The following HOOK3 variants were observed in gnomAD, a reference collection of about 807,000 sequenced individuals.
HOOK3 encodes the protein hook microtubule tethering protein 3, also known as protein Hook homolog 3.
Under a neutral mutation model 116.3 loss-of-function variants are expected in HOOK3, and 24 were observed. The observed-to-expected ratio is 0.21, with a 90% CI of 0.15 to 0.29. The LOEUF is 0.29. HOOK3 is among the 10% of genes least tolerant of loss of function. HOOK3 has a pLI of 1.00. For missense variants in HOOK3, 632 were observed against 830.2 expected, an observed-to-expected ratio of 0.76 and a Z score of 2.93; for synonymous variants, 275 against 283.0, an observed-to-expected ratio of 0.97 and a Z score of 0.28.
rs1809957198 is a variant in HOOK3 at position 43,027,701 on chromosome 8, A to T, written c.*9203A>T. On this transcript the variant is annotated 3_prime_UTR_variant, in exon 22 of 22. Transcript: ENST00000307602. ...TAAGTCTCTAAGTATCTTAACTTCC[A>T]TTGTCTTCTTGTTAACCTAGACAAG... 1 of 206,228 alleles carries T rather than the reference A, an allele frequency of 4.8e-6. No individual in the cohort carries two copies. The allele number at this position is 206,228 out of a possible 1,614,324, so 12.8% of individuals were successfully genotyped here.
rs767913849 is a variant in HOOK3, at chr8:42,982,688, T to C, written c.1383T>C (p.Pro461=). 80 of 1,608,722 alleles carry C rather than the reference T, an allele frequency of 5.0e-5. No individual in the cohort carries two copies. The highest frequency in any genetic ancestry group is 6.0e-5 in the Non-Finnish European group (71 of 1,175,358). The change falls in exon 14 of 22, where the codon CCT becomes CCC. Residue 461 remains proline, a synonymous_variant. Transcript: ENST00000307602. The part of the protein sequence containing the change: ...SDSLAAEIVT[P]EIREKLIRLQ... ...GTCTAGCTGCAGAGATTGTTACACC[T>C]GAAATCAGGTAAGGAGATTGTGGTG...
At chr8:42,904,548 T>G in intron 1 of HOOK3, among the ~76,000 whole-genome samples, 1 of 152,070 alleles carries the variant, frequency 6.6e-6, no homozygotes, top group East Asian at 1.9e-4. Flanking sequence ...CCAGACCTCG[T>G]GATCCATCCG....
chr8:42,974,850 C>T (rs939759142), intron 13 of HOOK3, among the ~76,000 whole-genome samples: 5 of 152,168 alleles, frequency 3.3e-5, no homozygotes, highest in South Asian at 4.1e-4. Flanking sequence ...CTGAGAGGAC[C>T]GTGCCCCCTT....
At chr8:42,920,275 T>C (rs1453813881) in intron 2 of HOOK3, among the ~76,000 whole-genome samples, 1 of 152,202 alleles carries the variant, frequency 6.6e-6, no homozygotes, top group African/African-American at 2.4e-5. Context: ...TATTGTTTTA[T>C]TCGAGCCTGC....
At chr8:42,973,481 C>A (rs1385129036) in intron 12 of HOOK3, 82 bp downstream of exon 12, 6 of 797,026 alleles carry the variant, frequency 7.5e-6, no homozygotes, top group South Asian at 2.9e-5. Flanking sequence ...TGGCCACATT[C>A]ATTTAAGTTA....
intron 4 of HOOK3, among the ~76,000 whole-genome samples, chr8:42,933,586 T>G (rs1807910970): frequency 6.6e-6 from 1 of 152,264 alleles, no homozygotes. Flanking sequence ...TATCTTATTT[T>G]GTTTGCTGAA....
intron 2 of HOOK3, among the ~76,000 whole-genome samples, chr8:42,924,967 A>C (rs1300708445): frequency 1.3e-5 from 2 of 150,788 alleles, no homozygotes; most frequent in East Asian, 3.9e-4. Flanking sequence ...ACGGAGCGAG[A>C]CTCTGTCTCA....
chr8:43,018,147 CAATT>C (rs1346358168), intron 21 of HOOK3, among the ~76,000 whole-genome samples: 1 of 152,228 alleles, frequency 6.6e-6, no homozygotes, highest in East Asian at 1.9e-4. Context: ...TAAAATCAGA[CAATT>C]AAGCCTGAAT....
rs1409313970 is a variant in HOOK3 at position 42,897,205 on chromosome 8, G to A, written c.57+17G>A. 2 of 1,240,750 alleles carry A rather than the reference G, an allele frequency of 1.6e-6. No individual in the cohort carries two copies. Among genetic ancestry groups the A allele is most frequent in the Admixed American group, 8.4e-5 (2 of 23,948 alleles). The allele number at this position is 1,240,750 out of a possible 1,614,324, so 76.9% of individuals were successfully genotyped here. On this transcript the variant is annotated intron_variant, in intron 1 of 21. Coordinates refer to ENST00000307602, the MANE Select transcript of HOOK3 (RefSeq NM_032410.4). ...CTCACTTGGGTACGTGGGGGCCGCG[G>A]GCCGGCGGGAAGACCCCCTCCCCCC...
At chr8:42,940,556 T>C (rs192465913) in intron 4 of HOOK3, among the ~76,000 whole-genome samples, 12 of 152,308 alleles carry the variant, frequency 7.9e-5, no homozygotes, top group Admixed American at 5.9e-4. Flanking sequence ...TGCTTTTCTT[T>C]AGTAATGTTG....
At chr8:42,934,275 T>C (rs1467967043) in intron 4 of HOOK3, among the ~76,000 whole-genome samples, 11 of 152,194 alleles carry the variant, frequency 7.2e-5, no homozygotes. Context: ...ATCACATTTT[T>C]AATTTGCAAG....
chr8:42,930,269 A>G (rs537389162), intron 4 of HOOK3, 97 bp downstream of exon 4: 4 of 1,085,014 alleles, frequency 3.7e-6, no homozygotes, highest in African/African-American at 1.6e-5. Context: ...TTCAAAATTA[A>G]TAATCAGTTT....
intron 9 of HOOK3, among the ~76,000 whole-genome samples, chr8:42,966,078 TTTTG>T (rs1808626926): frequency 1.3e-5 from 2 of 152,240 alleles, no homozygotes; most frequent in Non-Finnish European, 2.9e-5. Context: ...TTCTCACTTT[TTTTG>T]TTTTAGAAAA....
chr8:42,921,667 A>T (rs1251586240), intron 2 of HOOK3, among the ~76,000 whole-genome samples: 1 of 152,202 alleles, frequency 6.6e-6, no homozygotes, highest in African/African-American at 2.4e-5. Flanking sequence ...ACCAGGAATG[A>T]AAAAGAGACT....
chr8:42,945,807 T>C (rs889176489), intron 5 of HOOK3, among the ~76,000 whole-genome samples: 2 of 152,222 alleles, frequency 1.3e-5, no homozygotes, highest in African/African-American at 4.8e-5. Flanking sequence ...TAACTTTTAA[T>C]TTACAGCTTT....
Position 42,975,607 on chromosome 8 carries a change from C to T in HOOK3, c.1321+1413C>T, listed in dbSNP as rs1808807167. 2.0e-5 allele frequency among the ~76,000 whole-genome samples: 3 copies of T among 152,178 alleles called. No homozygotes were observed. The South Asian group carries it at 6.2e-4, about 31-fold the overall frequency. Reference sequence around the variant, plus strand: ...TTATCAAGCCCATGAAAAAAGTGGACGTGACTTCTCCAGCTATCGAATTAG... The same window carrying T: ...TTATCAAGCCCATGAAAAAAGTGGATGTGACTTCTCCAGCTATCGAATTAG... On this transcript the variant is annotated intron_variant, in intron 13 of 21. Transcript: ENST00000307602.
intron 15 of HOOK3, among the ~76,000 whole-genome samples, chr8:42,992,505 C>T (rs940326554): frequency 2.5e-4 from 38 of 149,552 alleles, no homozygotes; most frequent in African/African-American, 8.9e-4. Context: ...ATCACAAGGT[C>T]AGGAGATTGA....
rs112310590 is a variant in HOOK3, at chr8:43,027,419, C to T, written c.*8921C>T. On this transcript the variant is annotated 3_prime_UTR_variant, in exon 22 of 22. Transcript: ENST00000307602. ...TTATGAGAACATTCTGTCATTTGTT[C>T]TGTTTGTAGATGAGAGACATGCTTT... The T allele has an allele frequency of 3.1e-6, 1 of 323,970 alleles. No individual in the cohort carries two copies. The highest frequency in any genetic ancestry group is 4.7e-5 in the Admixed American group (1 of 21,086). 20.1% of individuals were successfully genotyped at this position (323,970 alleles called of 1,614,324 possible). A position where few individuals can be genotyped will look rare whatever the true frequency, so the allele number is the denominator to read the frequency against.
chr8:42,941,838 G>A (rs1373005740), intron 4 of HOOK3, among the ~76,000 whole-genome samples: 1 of 152,100 alleles, frequency 6.6e-6, no homozygotes, highest in Non-Finnish European at 1.5e-5. Context: ...ACTCCTACCT[G>A]ACGACTTTGC....
Sources: gnomAD v4.1 joint callset for allele counts (sites outside exome capture counted in the v4.1 genomes callset) on GRCh38, gnomAD v4.1.1 for gene constraint, MANE v1.5 for transcripts, NCBI Gene and HGNC (gene_info 2026-07-23, HGNC 2026-07-21) for gene names.